The following TMEM132C variants were observed in gnomAD, a reference collection of about 807,000 sequenced individuals.
The protein encoded by TMEM132C is protein phosphatase 1, regulatory subunit 152.
TMEM132C carries 29 observed loss-of-function variants against 61.4 expected under a neutral mutation model. The ratio of observed to expected loss-of-function variants is 0.47; its 90% confidence interval spans 0.35 to 0.64. TMEM132C has a LOEUF of 0.64. Among genes scored for constraint, TMEM132C ranks in the 30% least tolerant of loss-of-function variants. The pLI is 0.00. For missense variants in TMEM132C, 1,408 were observed against 1,476.9 expected (o/e 0.95, Z 0.76); for synonymous variants, 656 against 633.1 (o/e 1.04, Z -0.54).
chr12:128,440,522 C>G (rs1291340994), intron 2 of TMEM132C, among the ~76,000 whole-genome samples: 1 of 152,228 alleles, frequency 6.6e-6, no homozygotes, highest in African/African-American at 2.4e-5. Flanking sequence ...ACTACCAACA[C>G]TAAATACTGG....
chr12:128,279,097 A>C (rs1038559340), intron 1 of TMEM132C, among the ~76,000 whole-genome samples: 2 of 152,112 alleles, frequency 1.3e-5, no homozygotes, highest in Non-Finnish European at 2.9e-5. Flanking sequence ...TCCCAGGAGA[A>C]CCCTGAGTAA....
intron 3 of TMEM132C, among the ~76,000 whole-genome samples, chr12:128,563,810 T>A (rs1874603136): frequency 6.6e-6 from 1 of 152,182 alleles, no homozygotes; most frequent in South Asian, 2.1e-4. Context: ...TCTCTTGTCT[T>A]AGTTCATTTG....
intron 1 of TMEM132C, among the ~76,000 whole-genome samples, chr12:128,359,240 A>G (rs1873616829): frequency 6.6e-6 from 1 of 152,188 alleles, no homozygotes; most frequent in African/African-American, 2.4e-5. Context: ...AAGAGGTTTA[A>G]TTGCCTCACA....
chr12:128,408,739 C>T (rs190510110), intron 1 of TMEM132C, among the ~76,000 whole-genome samples: 42 of 152,282 alleles, frequency 2.8e-4, no homozygotes, highest in Admixed American at 2.4e-3. Flanking sequence ...GGCGAATGTG[C>T]CCTTGTTGCT....
chr12:128,661,025 G>A (rs1954384014), intron 4 of TMEM132C, among the ~76,000 whole-genome samples: 1 of 152,172 alleles, frequency 6.6e-6, no homozygotes, highest in Non-Finnish European at 1.5e-5. Context: ...AGATTAGATA[G>A]ATGATAGAAG....
At chr12:128,361,986 G>A (rs1236456938) in intron 1 of TMEM132C, among the ~76,000 whole-genome samples, 1 of 152,084 alleles carries the variant, frequency 6.6e-6, no homozygotes, top group African/African-American at 2.4e-5. Context: ...GCTAGAGAGA[G>A]CCAGGAACAA....
intron 1 of TMEM132C, among the ~76,000 whole-genome samples, chr12:128,275,852 C>T (rs1870671498): frequency 6.6e-6 from 1 of 152,112 alleles, no homozygotes; most frequent in Non-Finnish European, 1.5e-5. Flanking sequence ...GCCAAAAGTC[C>T]AAAATCATAT....
At chr12:128,354,744 C>T (rs750201613) in intron 1 of TMEM132C, among the ~76,000 whole-genome samples, 8 of 152,296 alleles carry the variant, frequency 5.3e-5, no homozygotes, top group Admixed American at 1.3e-4. Flanking sequence ...GTGATCTGTG[C>T]GTCTGCAGAA....
chr12:128,695,102 A>G (rs1954749275), intron 6 of TMEM132C, among the ~76,000 whole-genome samples: 1 of 152,248 alleles, frequency 6.6e-6, no homozygotes, highest in Non-Finnish European at 1.5e-5. Flanking sequence ...GACTTTCTAC[A>G]GTGGTGGGAT....
intron 4 of TMEM132C, among the ~76,000 whole-genome samples, chr12:128,664,540 T>C (rs1038082793): frequency 1.2e-4 from 18 of 152,240 alleles, no homozygotes; most frequent in Non-Finnish European, 4.4e-5. Flanking sequence ...GTCATAGTTA[T>C]GCCTTTGTCG....
chr12:128,483,240 C>T (rs1871370769), intron 2 of TMEM132C, among the ~76,000 whole-genome samples: 2 of 52,368 alleles, frequency 3.8e-5, no homozygotes, highest in Admixed American at 4.9e-4. Flanking sequence ...TGCACTCCAG[C>T]CTGGGCAACA....
chr12:128,678,839 G>A (rs1259766161), intron 5 of TMEM132C, among the ~76,000 whole-genome samples: 1 of 152,196 alleles, frequency 6.6e-6, no homozygotes, highest in Non-Finnish European at 1.5e-5. Flanking sequence ...TCCCGCCCTA[G>A]GCCGAGCAGA....
intron 1 of TMEM132C, among the ~76,000 whole-genome samples, chr12:128,268,641 C>G (rs1172509508): frequency 2.6e-5 from 4 of 152,124 alleles, no homozygotes; most frequent in Non-Finnish European, 5.9e-5. Flanking sequence ...CTCAAAGCCA[C>G]CCTTCTCCCG....
chr12:128,620,262 A>G (rs778890393), intron 4 of TMEM132C, among the ~76,000 whole-genome samples: 25 of 151,576 alleles, frequency 1.6e-4, no homozygotes, highest in African/African-American at 5.8e-4. Flanking sequence ...AAAGGAATAA[A>G]CAAGCAGCAG....
chr12:128,670,674 C>CCTAAAAA (rs910368063), intron 5 of TMEM132C, among the ~76,000 whole-genome samples: 2 of 152,156 alleles, frequency 1.3e-5, no homozygotes, highest in African/African-American at 4.8e-5. Context: ...CCCACTCATC[C>CCTAAAAA]CTTGATAGAC....
chr12:128,300,852 A>G (rs1275854516), intron 1 of TMEM132C, among the ~76,000 whole-genome samples: 4 of 152,188 alleles, frequency 2.6e-5, no homozygotes, highest in Non-Finnish European at 5.9e-5. Context: ...AGCCTGGGCA[A>G]CATAGGGGGA....
chr12:128,569,975 A>G (rs922896821), intron 3 of TMEM132C, among the ~76,000 whole-genome samples: 4 of 152,346 alleles, frequency 2.6e-5, no homozygotes, highest in Middle Eastern at 3.4e-3. Flanking sequence ...TTTCTTCACT[A>G]TATTTTCTTT....
At chr12:128,361,766 A>G (rs1873715238) in intron 1 of TMEM132C, among the ~76,000 whole-genome samples, 1 of 151,672 alleles carries the variant, frequency 6.6e-6, no homozygotes, top group Non-Finnish European at 1.5e-5. Context: ...TCAGTGAAGG[A>G]TGTTTGATGT....
chr12:128,703,258 A>G (rs1006348463), intron 8 of TMEM132C, among the ~76,000 whole-genome samples: 1 of 152,116 alleles, frequency 6.6e-6, no homozygotes, highest in Non-Finnish European at 1.5e-5. Flanking sequence ...TATTAAGCCT[A>G]GTACCCATTA....
Sources: allele counts gnomAD v4.1 joint callset (sites outside exome capture counted in the v4.1 genomes callset), GRCh38; gene constraint gnomAD v4.1.1; transcripts MANE v1.5; gene names NCBI Gene and HGNC (gene_info 2026-07-23, HGNC 2026-07-21).